PACRG: variants seen among roughly 807,000 people sequenced by gnomAD.
PACRG encodes the protein parkin coregulated.
Under a neutral mutation model 29.7 loss-of-function variants are expected in PACRG, and 29 were observed. The ratio of observed to expected loss-of-function variants is 0.98; its 90% CI spans 0.73 to 1.33. The LOEUF (loss-of-function observed/expected upper bound fraction) is 1.33. Ranked by LOEUF, PACRG falls within the 40% of genes most tolerant of loss-of-function variation. The probability of loss-of-function intolerance (pLI) is 0.00; values close to 1 mark genes in which losing one functional copy is unlikely to be tolerated. For synonymous variants in PACRG, 116 were observed against 118.7 expected, an observed-to-expected ratio of 0.98 and a Z score of 0.15; for missense variants, 279 against 316.2, an observed-to-expected ratio of 0.88 and a Z score of 0.89.
intron 4 of PACRG, among the ~76,000 whole-genome samples, chr6:163,153,047 G>C (rs1778164435): frequency 6.6e-6 from 1 of 152,122 alleles, no homozygotes; most frequent in Non-Finnish European, 1.5e-5. Flanking sequence ...AAGGAAAATG[G>C]AAACAATTCA....
intron 4 of PACRG, among the ~76,000 whole-genome samples, chr6:163,107,982 T>C (rs1158411004): frequency 6.6e-6 from 1 of 152,352 alleles, no homozygotes; most frequent in East Asian, 1.9e-4. Context: ...TCCGAATGTG[T>C]AAAAATTAAT....
intron 3 of PACRG, among the ~76,000 whole-genome samples, chr6:163,069,285 C>CAAAA (rs11354740): frequency 3.2e-5 from 3 of 94,394 alleles, no homozygotes; most frequent in Non-Finnish European, 4.7e-5. Context: ...ATGAACTCAC[C>CAAAA]AAAAAAAAAA....
intron 4 of PACRG, among the ~76,000 whole-genome samples, chr6:163,153,890 A>G (rs1001016617): frequency 6.6e-6 from 1 of 152,186 alleles, no homozygotes; most frequent in South Asian, 2.1e-4. Context: ...TCCTGCTGCA[A>G]TGTAAGGCTC....
At chr6:163,156,136 T>C (rs1778304943) in intron 4 of PACRG, among the ~76,000 whole-genome samples, 1 of 152,208 alleles carries the variant, frequency 6.6e-6, no homozygotes, top group Admixed American at 6.5e-5. Flanking sequence ...CTCCTCTGGC[T>C]CTTGGCTCCT....
chr6:163,138,785 A>G (rs1158306448), intron 4 of PACRG, among the ~76,000 whole-genome samples: 1 of 152,192 alleles, frequency 6.6e-6, no homozygotes, highest in Non-Finnish European at 1.5e-5. Flanking sequence ...GTTCATTGCA[A>G]CACTGAATAA....
At chr6:163,270,005 A>G (rs1466626124) in intron 4 of PACRG, among the ~76,000 whole-genome samples, 1 of 117,022 alleles carries the variant, frequency 8.5e-6, no homozygotes, top group Non-Finnish European at 1.8e-5. Context: ...GAAAGAAAGA[A>G]AGGAGGGAGG....
intron 4 of PACRG, among the ~76,000 whole-genome samples, chr6:163,098,498 G>C (rs1243598907): frequency 6.6e-6 from 1 of 152,162 alleles, no homozygotes; most frequent in Non-Finnish European, 1.5e-5. Flanking sequence ...TATTTCTTGT[G>C]TCCCTCCTCA....
intron 4 of PACRG, among the ~76,000 whole-genome samples, chr6:163,251,666 C>T (rs992955744): frequency 2.6e-5 from 4 of 152,134 alleles, no homozygotes; most frequent in Non-Finnish European, 5.9e-5. Context: ...TTGCGCTGCT[C>T]GGACCTCCAC....
intron 2 of PACRG, among the ~76,000 whole-genome samples, chr6:163,023,340 C>G (rs1166112410): frequency 4.6e-5 from 7 of 152,124 alleles, no homozygotes; most frequent in Non-Finnish European, 2.9e-5. Context: ...GTTTTCTGTT[C>G]CTGTGTTAAT....
intron 4 of PACRG, among the ~76,000 whole-genome samples, chr6:163,275,731 TCAGTAA>T (rs1423360828): frequency 6.6e-6 from 1 of 152,222 alleles, no homozygotes; most frequent in African/African-American, 2.4e-5. Context: ...TATTTAAAAT[TCAGTAA>T]CATAGGATAT....
intron 4 of PACRG, among the ~76,000 whole-genome samples, chr6:163,130,174 C>A (rs942778162): frequency 2.0e-5 from 3 of 152,160 alleles, no homozygotes; most frequent in Non-Finnish European, 2.9e-5. Context: ...GCCGCTTAGT[C>A]CTATGTGTGC....
intron 4 of PACRG, among the ~76,000 whole-genome samples, chr6:163,222,235 G>C (rs955830688): frequency 2.0e-5 from 3 of 152,240 alleles, no homozygotes; most frequent in Admixed American, 6.5e-5. Flanking sequence ...CTCAGGGACA[G>C]CTTGTGGAAA....
intron 4 of PACRG, among the ~76,000 whole-genome samples, chr6:163,136,735 A>G (rs1027467904): frequency 6.6e-6 from 1 of 152,246 alleles, no homozygotes; most frequent in Non-Finnish European, 1.5e-5. Context: ...TTTAGGGATT[A>G]CTGAATGAAC....
intron 4 of PACRG, among the ~76,000 whole-genome samples, chr6:163,287,383 C>T (rs1784438201): frequency 6.6e-6 from 1 of 152,160 alleles, no homozygotes; most frequent in Non-Finnish European, 1.5e-5. Flanking sequence ...TTCCCAACCC[C>T]AGAAGCCGGG....
intron 4 of PACRG, among the ~76,000 whole-genome samples, chr6:163,209,476 G>A (rs1196795563): frequency 6.6e-6 from 1 of 152,236 alleles, no homozygotes; most frequent in African/African-American, 2.4e-5. Flanking sequence ...TGGGCATAAA[G>A]TAGAGATTGA....
At chr6:162,858,047 C>G (rs574380029) in intron 2 of PACRG, among the ~76,000 whole-genome samples, 1 of 152,174 alleles carries the variant, frequency 6.6e-6, no homozygotes, top group Non-Finnish European at 1.5e-5. Flanking sequence ...CATCATTGTG[C>G]TGACATATAT....
At chr6:163,191,731 A>G (rs929509986) in intron 4 of PACRG, 17 of 455,864 alleles carry the variant, frequency 3.7e-5, no homozygotes, top group African/African-American at 3.0e-4. Context: ...CATCTTCTCC[A>G]CTCCCACTCA....
rs1168717633 is a variant in PACRG, at chr6:163,274,690, C to T, written c.614-40137C>T. Among the ~76,000 whole-genome samples the T allele has an allele frequency of 2.0e-5, 3 of 152,152 alleles. No homozygotes were observed. In the East Asian group the frequency reaches 5.8e-4, roughly 29 times the overall value. On this transcript the variant is annotated intron_variant, in intron 4 of 4. Coordinates refer to ENST00000366888, the MANE Select transcript of PACRG (RefSeq NM_001080379.2). ...CTATTTCTCCACATCCTCTCCAGCA[C>T]CTGTTGTTTCCTAACTTTTTAATGA...
At chr6:162,821,008 C>A (rs996620746) in intron 2 of PACRG, among the ~76,000 whole-genome samples, 5 of 151,926 alleles carry the variant, frequency 3.3e-5, no homozygotes, top group African/African-American at 4.8e-5. Context: ...ATTCTTAATG[C>A]CATTCTTTTA....
Sources: allele counts gnomAD v4.1 joint callset (sites outside exome capture counted in the v4.1 genomes callset), GRCh38; gene constraint gnomAD v4.1.1; transcripts MANE v1.5; gene names NCBI Gene and HGNC (gene_info 2026-07-23, HGNC 2026-07-21).